LINGO2: variants seen among roughly 807,000 people sequenced by gnomAD.
The protein encoded by LINGO2 is leucine rich repeat and Ig domain containing 2.
Under a neutral mutation model 30.6 loss-of-function variants are expected in LINGO2, and 14 were observed. The observed-to-expected ratio is 0.46, with a 90% CI of 0.30 to 0.72. LINGO2 has a LOEUF of 0.72. Ranked by LOEUF, LINGO2 falls within the 30% of genes least tolerant of loss-of-function variation. LINGO2 has a pLI of 0.07. For synonymous variants in LINGO2, 317 were observed against 288.5 expected, an observed-to-expected ratio of 1.10 and a Z score of -1.00; for missense variants, 729 against 751.7, an observed-to-expected ratio of 0.97 and a Z score of 0.35.
At chr9:28,415,097 A>G (rs945904881) in intron 2 of LINGO2, among the ~76,000 whole-genome samples, 2 of 152,144 alleles carry the variant, frequency 1.3e-5, no homozygotes, top group South Asian at 2.1e-4. Context: ...AGAGAGCAGA[A>G]AAGGAATAGA....
chr9:28,303,335 T>G (rs1279232614), intron 3 of LINGO2, among the ~76,000 whole-genome samples: 1 of 152,164 alleles, frequency 6.6e-6, no homozygotes, highest in African/African-American at 2.4e-5. Flanking sequence ...GGAAAGACCT[T>G]CTTTCTACTG....
Position 28,383,075 on chromosome 9 carries a change from T to G in LINGO2, c.-278-10207A>C, listed in dbSNP as rs570968017. On this transcript the variant is annotated intron_variant, in intron 2 of 5. Coordinates refer to ENST00000379992, the Ensembl canonical transcript of LINGO2. Reference sequence around the variant, plus strand: ...GTGCTAAGCCCAATCCAGAGCTAAGTCCCCTGAGTCCATGTCCCCACTTAA... The same window carrying G: ...GTGCTAAGCCCAATCCAGAGCTAAGGCCCCTGAGTCCATGTCCCCACTTAA... Among the ~76,000 whole-genome samples the G allele has an allele frequency of 2.6e-5, 4 of 152,092 alleles. No homozygotes were observed. The East Asian group carries it at 7.7e-4, about 29-fold the overall frequency.
At chr9:28,717,134 G>T in the LINGO2 span, among the ~76,000 whole-genome samples, 599 of 151,968 alleles carry the variant, frequency 3.9e-3, 7 homozygotes, top group African/African-American at 0.013. Context: ...AGGTATCCAA[G>T]AAATTACATT....
the LINGO2 span, among the ~76,000 whole-genome samples, chr9:28,676,860 T>C: frequency 0.097 from 14,791 of 152,222 alleles, 935 homozygotes; most frequent in East Asian, 0.2. Flanking sequence ...CTTTTAAAAG[T>C]TGAAATTCTC....
chr9:28,449,308 T>C (rs921911096), intron 2 of LINGO2, among the ~76,000 whole-genome samples: 4 of 152,034 alleles, frequency 2.6e-5, no homozygotes, highest in African/African-American at 9.7e-5. Flanking sequence ...GTAGACTAAT[T>C]TCTTACTTCT....
chr9:28,875,287 C>G, the LINGO2 span, among the ~76,000 whole-genome samples: 2 of 152,002 alleles, frequency 1.3e-5, no homozygotes, highest in African/African-American at 4.8e-5. Context: ...CTTTTTCTCT[C>G]TTTCTGAATA....
intron 4 of LINGO2, among the ~76,000 whole-genome samples, chr9:28,098,580 G>T (rs181727927): frequency 6.6e-6 from 1 of 151,836 alleles, no homozygotes. Flanking sequence ...TTCTTTTTTC[G>T]TCTATATACT....
intron 1 of LINGO2, among the ~76,000 whole-genome samples, chr9:28,536,268 TACTC>T (rs948114258): frequency 2.4e-4 from 36 of 152,166 alleles, no homozygotes; most frequent in Admixed American, 6.5e-5. Flanking sequence ...TAATTTCTTT[TACTC>T]ACTCTTTTAA....
chr9:28,433,957 A>C (rs62555198), intron 2 of LINGO2, among the ~76,000 whole-genome samples: 5,014 of 104,838 alleles, frequency 0.048, 263 homozygotes, highest in Non-Finnish European at 0.081. Flanking sequence ...CTCTATATAT[A>C]TATATATATA....
chr9:29,008,730 G>C, the LINGO2 span, among the ~76,000 whole-genome samples: 4 of 151,998 alleles, frequency 2.6e-5, no homozygotes, highest in African/African-American at 7.3e-5. Context: ...GTCTTCTTTT[G>C]AGAAGTGTCT....
At chr9:29,172,798 GGACCATCCAT>G in the LINGO2 span, among the ~76,000 whole-genome samples, 1 of 151,932 alleles carries the variant, frequency 6.6e-6, no homozygotes, top group Admixed American at 6.6e-5. Flanking sequence ...CTGAACACAT[GGACCATCCAT>G]GACTTATTTA....
chr9:28,137,495 C>A (rs1827551924), intron 4 of LINGO2, among the ~76,000 whole-genome samples: 1 of 152,066 alleles, frequency 6.6e-6, no homozygotes, highest in African/African-American at 2.4e-5. Flanking sequence ...GCGTCCTTCA[C>A]ACTCATATTT....
chr9:28,210,360 T>A (rs1433594083), intron 4 of LINGO2, among the ~76,000 whole-genome samples: 1 of 151,642 alleles, frequency 6.6e-6, no homozygotes, highest in Non-Finnish European at 1.5e-5. Flanking sequence ...TACTTTATTG[T>A]TCTGTTTTCT....
the LINGO2 span, among the ~76,000 whole-genome samples, chr9:28,757,842 G>A: frequency 7.9e-5 from 12 of 151,948 alleles, no homozygotes; most frequent in Non-Finnish European, 1.2e-4. Flanking sequence ...CAGGTATATG[G>A]GCTTTCCCAG....
the LINGO2 span, among the ~76,000 whole-genome samples, chr9:29,170,260 AC>A: frequency 6.6e-6 from 1 of 152,158 alleles, no homozygotes; most frequent in Non-Finnish European, 1.5e-5. Context: ...ATGGAATACT[AC>A]TCAGCCATAA....
At chr9:29,080,918 T>C in the LINGO2 span, among the ~76,000 whole-genome samples, 1 of 152,084 alleles carries the variant, frequency 6.6e-6, no homozygotes, top group African/African-American at 2.4e-5. Flanking sequence ...GAAGACTGTA[T>C]ATACTGTTGA....
At chr9:28,402,992 G>A (rs994064351) in intron 2 of LINGO2, among the ~76,000 whole-genome samples, 2 of 152,126 alleles carry the variant, frequency 1.3e-5, no homozygotes, top group Non-Finnish European at 2.9e-5. Flanking sequence ...CAATGCCTCA[G>A]ATTCTTAATG....
At chr9:27,980,275 T>G (rs1350543439) in intron 5 of LINGO2, among the ~76,000 whole-genome samples, 2 of 151,940 alleles carry the variant, frequency 1.3e-5, no homozygotes, top group African/African-American at 2.4e-5. Flanking sequence ...TCTATGCCAT[T>G]TATTCATTCA....
the LINGO2 span, among the ~76,000 whole-genome samples, chr9:29,150,553 T>C: frequency 7.9e-5 from 12 of 152,246 alleles, no homozygotes; most frequent in African/African-American, 2.9e-4. Context: ...ATAGATGAAA[T>C]AGCCATTTTA....
Sources: allele counts gnomAD v4.1 joint callset (sites outside exome capture counted in the v4.1 genomes callset), GRCh38; gene constraint gnomAD v4.1.1; transcripts MANE v1.5; gene names NCBI Gene and HGNC (gene_info 2026-07-23, HGNC 2026-07-21).